Variants in DUT observed in about 807,000 individuals in gnomAD.
DUT encodes deoxyuridine triphosphatase, also known as deoxyuridine 5'-triphosphate nucleotidohydrolase, mitochondrial.
DUT carries 21 observed loss-of-function variants against 28.8 expected under a neutral mutation model. The ratio of observed to expected loss-of-function variants is 0.73; its 90% CI spans 0.52 to 1.05. DUT has a LOEUF of 1.05. Ranked by LOEUF, DUT falls within the 50% of genes least tolerant of loss-of-function variation. The pLI is 0.00. For missense variants in DUT, 344 were observed against 351.8 expected (o/e 0.98, Z 0.18); for synonymous variants, 147 against 143.7 (o/e 1.02, Z -0.17).
At position 48,331,604 on chromosome 15, in the gene DUT, G is replaced by C; in HGVS notation, c.89G>C (p.Arg30Pro). 6.4e-7 allele frequency: 1 copy of C among 1,565,638 alleles called. No homozygotes were observed. The highest frequency in any genetic ancestry group is 1.2e-5 in the South Asian group (1 of 85,254). Residue 30 changes from arginine (R) to proline (P), a missense_variant, in exon 1 of 7, where the codon CGG becomes CCG. Transcript: ENST00000331200. ...RSAMQNARGA[R>P]QRAEAAVLSG... ...GCGATGCAAAACGCGCGAGGCGCAC[G>C]GCAGAGGGCCGAAGCCGCGGTACTC...
chr15:48,332,421 G>T lies in DUT; in HGVS notation c.419+15G>T. On this transcript the variant is annotated intron_variant, in intron 2 of 6. Coordinates refer to ENST00000331200, the MANE Select transcript of DUT (RefSeq NM_001025248.2). ...GACCTGTACAGGTGAGCGGGGACCT[G>T]CCGGCGAGGAGGCTGGGAAGGGCCG... 1 of 1,527,876 alleles carries T rather than the reference G, an allele frequency of 6.5e-7. No individual in the cohort carries two copies. The highest frequency in any genetic ancestry group is 8.7e-7 in the Non-Finnish European group (1 of 1,144,524). 94.6% of individuals were successfully genotyped at this position (1,527,876 alleles called of 1,614,324 possible). A position where few individuals can be genotyped will look rare whatever the true frequency, so the allele number is the denominator to read the frequency against.
chr15:48,333,518 G>A (rs1196290902), intron 2 of DUT, among the ~76,000 whole-genome samples: 1 of 152,116 alleles, frequency 6.6e-6, no homozygotes, highest in Admixed American at 6.5e-5. Context: ...AATAAATTAG[G>A]GCTTAACTGT....
chr15:48,338,635 G>A lies in DUT; in HGVS notation c.556+2545G>A, dbSNP rs1397913493. Among the ~76,000 whole-genome samples the A allele has an allele frequency of 1.3e-4, 20 of 152,178 alleles. 1 individual carries two copies. Among genetic ancestry groups the A allele is most frequent in the Admixed American group, 1.3e-3 (20 of 15,276 alleles). On this transcript the variant is annotated intron_variant, in intron 4 of 6. Transcript: ENST00000331200. ...ATTGGCCAGAATGTAAGAGATTGTT[G>A]CCATCAAATATTGGCAAGGATTTTG...
In DUT at chr15:48,331,602, A is replaced by G. The variant is rs773194017; in HGVS notation, c.87A>G (p.Ala29=). Residue 29 remains alanine, a synonymous_variant, in exon 1 of 7, where the codon GCA becomes GCG. Coordinates refer to ENST00000331200, the MANE Select transcript of DUT (RefSeq NM_001025248.2). ...LRSAMQNARG[A]RQRAEAAVLS... Reference sequence around the variant, plus strand: ...CAGCGATGCAAAACGCGCGAGGCGCACGGCAGAGGGCCGAAGCCGCGGTAC... The same window carrying G: ...CAGCGATGCAAAACGCGCGAGGCGCGCGGCAGAGGGCCGAAGCCGCGGTAC... 5.1e-6 allele frequency: 8 copies of G among 1,567,106 alleles called. No individual in the cohort carries two copies. The highest frequency in any genetic ancestry group is 6.9e-6 in the Non-Finnish European group (8 of 1,158,478).
chr15:48,332,928 A>T (rs1020844520), intron 2 of DUT, among the ~76,000 whole-genome samples: 2 of 152,192 alleles, frequency 1.3e-5, no homozygotes, highest in South Asian at 4.1e-4. Flanking sequence ...TGTACTAAAA[A>T]CTTTCCGTAT....
chr15:48,331,610 G>A lies in DUT; in HGVS notation c.95G>A (p.Arg32Lys), dbSNP rs562509314. ...AMQNARGARQ[R>K]AEAAVLSGPG... ...CAAAACGCGCGAGGCGCACGGCAGA[G>A]GGCCGAAGCCGCGGTACTCTCCGGG... is the stretch of plus-strand genomic sequence containing the variant. Residue 32 changes from arginine (R) to lysine (K), a missense_variant, in exon 1 of 7, where the codon AGG becomes AAG. By Grantham distance (26) the Arg-to-Lys change is conservative. Transcript: ENST00000331200. 1.3e-6 allele frequency: 2 copies of A among 1,560,358 alleles called. No individual in the cohort carries two copies. Among genetic ancestry groups the A allele is most frequent in the South Asian group, 2.4e-5 (2 of 84,790 alleles).
chr15:48,333,733 C>A (rs184059729), intron 2 of DUT, among the ~76,000 whole-genome samples: 4 of 152,290 alleles, frequency 2.6e-5, no homozygotes, highest in Admixed American at 2.6e-4. Flanking sequence ...TCTCCAGGGG[C>A]CGTTCACGGT....
intron 1 of DUT, 37 bp from the exon 2 acceptor site, chr15:48,332,231 C>T (rs916421045): frequency 1.9e-6 from 3 of 1,564,982 alleles, no homozygotes; most frequent in Non-Finnish European, 2.6e-6. Context: ...GTGGTCTCCT[C>T]GCTCGCCTTC....
intron 1 of DUT, 28 bp from the exon 2 acceptor site, chr15:48,332,240 T>A: frequency 1.3e-6 from 2 of 1,580,144 alleles, no homozygotes; most frequent in Non-Finnish European, 1.7e-6. Flanking sequence ...TCGCTCGCCT[T>A]CTGGCTCTGC....
intron 4 of DUT, among the ~76,000 whole-genome samples, chr15:48,339,939 G>C (rs1355155664): frequency 1.3e-5 from 2 of 152,086 alleles, no homozygotes; most frequent in Admixed American, 1.3e-4. Context: ...CTAAGGGTTT[G>C]CTTTTTTCCC....
At chr15:48,332,153 T>A in intron 1 of DUT, 115 bp from the exon 2 acceptor site, 1 of 1,426,532 alleles carries the variant, frequency 7.0e-7, no homozygotes, top group Non-Finnish European at 9.2e-7. Context: ...GGGGCGGGGC[T>A]GGCGGGAAAT....
intron 2 of DUT, among the ~76,000 whole-genome samples, chr15:48,333,330 CTT>C (rs988075642): frequency 1.3e-5 from 2 of 152,120 alleles, no homozygotes; most frequent in African/African-American, 4.8e-5. Context: ...ACTACAGTCT[CTT>C]AATTTTGATG....
At chr15:48,335,313 T>C (rs1305856165) in intron 3 of DUT, among the ~76,000 whole-genome samples, 2 of 152,264 alleles carry the variant, frequency 1.3e-5, no homozygotes, top group African/African-American at 2.4e-5. Flanking sequence ...ATTATAGGCC[T>C]GATGCTTGAG....
In DUT at chr15:48,341,821, T is replaced by A. The variant is rs2042539136; in HGVS notation, c.703-201T>A. The A allele has an allele frequency of 6.2e-5, 35 of 565,706 alleles. No individual in the cohort carries two copies. In the South Asian group the frequency reaches 1.1e-3, roughly 17 times the overall value. The allele number at this position is 565,706 out of a possible 1,614,324, so 35.0% of individuals were successfully genotyped here. On this transcript the variant is annotated intron_variant, in intron 6 of 6. Coordinates refer to ENST00000331200, the MANE Select transcript of DUT (RefSeq NM_001025248.2). ...TAAACATACTGTGAACTTCTAATAT[T>A]TTATTAGAATTTTTTAAAGTTATCC...
chr15:48,337,368 A>G (rs1313117344), intron 4 of DUT, among the ~76,000 whole-genome samples: 1 of 152,222 alleles, frequency 6.6e-6, no homozygotes, highest in African/African-American at 2.4e-5. Flanking sequence ...TGTTCAAGGA[A>G]CGGGAGCTTT....
At chr15:48,339,953 A>G (rs28381137) in intron 4 of DUT, among the ~76,000 whole-genome samples, 3,796 of 152,146 alleles carry the variant, frequency 0.025, 110 homozygotes, top group Admixed American at 0.071. Context: ...TTTTCCCCCC[A>G]TTATATGAGA....
chr15:48,335,070 C>T (rs1240470326), intron 3 of DUT, among the ~76,000 whole-genome samples: 2 of 152,180 alleles, frequency 1.3e-5, no homozygotes, highest in African/African-American at 4.8e-5. Context: ...TAGACTGGCA[C>T]TATATTATTA....
upstream of DUT, chr15:48,331,404 C>T (rs571503288): frequency 1.5e-4 from 228 of 1,502,460 alleles, no homozygotes; most frequent in African/African-American, 3.0e-3. Flanking sequence ...CGTCCGGCGG[C>T]GGCTGCGACT....
At chr15:48,331,995 C>A in intron 1 of DUT, 200 bp downstream of exon 1, 1 of 902,948 alleles carries the variant, frequency 1.1e-6, no homozygotes, top group South Asian at 2.2e-5. Context: ...CAAAGTTGGC[C>A]CCACGCGCTG....
Sources: gnomAD v4.1 joint callset for allele counts (sites outside exome capture counted in the v4.1 genomes callset) on GRCh38, gnomAD v4.1.1 for gene constraint, MANE v1.5 for transcripts, NCBI Gene and HGNC (gene_info 2026-07-23, HGNC 2026-07-21) for gene names.